Variants in KIAA1549 observed in about 807,000 individuals in gnomAD.
KIAA1549 encodes KIAA1549.
Under a neutral mutation model 156.4 loss-of-function variants are expected in KIAA1549, and 70 were observed. The ratio of observed to expected loss-of-function variants is 0.45; its 90% CI spans 0.37 to 0.55. KIAA1549 has a LOEUF of 0.55. KIAA1549 is among the 20% of genes least tolerant of loss of function. KIAA1549 has a pLI of 0.00. For missense variants in KIAA1549, 2,428 were observed against 2,540.9 expected (o/e 0.96, Z 0.96); for synonymous variants, 1,103 against 1,066.4 (o/e 1.03, Z -0.67).
At chr7:138,863,177 C>G (rs1379609052) in intron 15 of KIAA1549, among the ~76,000 whole-genome samples, 2 of 151,734 alleles carry the variant, frequency 1.3e-5, no homozygotes, top group Non-Finnish European at 2.9e-5. Flanking sequence ...CTGCAGCAGA[C>G]ACAGTGAAGA....
rs914139897 is a variant in KIAA1549, at chr7:138,837,430, G to C, written c.*476C>G. ...GTTGTTAATGTTACTATTAAAATAAGTTCCTATGGAGTAAAAGAGAAAAAT... is the reference window on the plus strand; with the variant it reads ...GTTGTTAATGTTACTATTAAAATAACTTCCTATGGAGTAAAAGAGAAAAAT... On this transcript the variant is annotated 3_prime_UTR_variant, in exon 20 of 20. Transcript: ENST00000422774. 1.3e-4 allele frequency: 32 copies of C among 240,296 alleles called. No homozygotes were observed. The highest frequency in any genetic ancestry group is 5.5e-4 in the African/African-American group (25 of 45,576). 14.9% of individuals were successfully genotyped at this position (240,296 alleles called of 1,614,324 possible).
At chr7:138,911,615 T>C (rs1812172112) in intron 3 of KIAA1549, among the ~76,000 whole-genome samples, 1 of 152,232 alleles carries the variant, frequency 6.6e-6, no homozygotes, top group Non-Finnish European at 1.5e-5. Context: ...AGAGTACTTA[T>C]CCTATTGAGC....
intron 1 of KIAA1549, among the ~76,000 whole-genome samples, chr7:138,974,132 T>C (rs1310380399): frequency 3.3e-5 from 5 of 152,078 alleles, no homozygotes; most frequent in Non-Finnish European, 7.4e-5. Flanking sequence ...GGTCAACAGG[T>C]AAAGAAAAAT....
At chr7:138,853,667 C>T (rs567933343) in intron 16 of KIAA1549, among the ~76,000 whole-genome samples, 8 of 152,178 alleles carry the variant, frequency 5.3e-5, no homozygotes, top group Non-Finnish European at 8.8e-5. Flanking sequence ...CTTCCATCCC[C>T]TTGGCTGTCA....
chr7:138,875,881 G>A (rs958969883), intron 12 of KIAA1549, among the ~76,000 whole-genome samples: 3 of 150,898 alleles, frequency 2.0e-5, no homozygotes, highest in East Asian at 2.0e-4. Flanking sequence ...CTGCAGCCTC[G>A]ACCTCCCAGG....
rs547681622 is a variant in KIAA1549 at position 138,917,031 on chromosome 7, G to A, written c.2595C>T (p.Val865=). 150 of 1,606,392 alleles carry A rather than the reference G, an allele frequency of 9.3e-5. No individual in the cohort carries two copies. The highest frequency in any genetic ancestry group is 1.1e-4 in the Non-Finnish European group (125 of 1,176,474). Residue 865 remains valine, a synonymous_variant, in exon 2 of 20, where the codon GTC becomes GTT. Transcript: ENST00000422774. ...CTGTGGGTGTGAGTGATGGGCCCACGACGGTCAGCTCTGTGGGCAGAGGGA... is the reference window on the plus strand; with the variant it reads ...CTGTGGGTGTGAGTGATGGGCCCACAACGGTCAGCTCTGTGGGCAGAGGGA... The part of the protein sequence containing the change: ...TPFPLPTELT[V]VGPSLTPTEV...
chr7:138,909,003 G>T lies in KIAA1549; in HGVS notation c.3264C>A (p.Asn1088Lys). Residue 1088 changes from asparagine (N) to lysine (K), a missense_variant, in exon 5 of 20, where the codon AAC becomes AAA. Physicochemically the swap from Asn to Lys is moderately conservative, Grantham distance 94. Coordinates refer to ENST00000422774, the MANE Select transcript of KIAA1549 (RefSeq NM_001164665.2). ...EVRKHHQGTYNLTVQILNITI... is the reference protein window; with the variant it reads ...EVRKHHQGTYKLTVQILNITI... ...GTGATATTCTCACCTGCACCGTGAG[G>T]TTATACGTTCCCTGGTGGTGTTTTC... The T allele has an allele frequency of 1.2e-6, 2 of 1,614,024 alleles. No individual in the cohort carries two copies. The highest frequency in any genetic ancestry group is 1.7e-6 in the Non-Finnish European group (2 of 1,179,884).
chr7:138,946,728 G>C (rs971440013), intron 1 of KIAA1549, among the ~76,000 whole-genome samples: 3 of 152,156 alleles, frequency 2.0e-5, no homozygotes, highest in Non-Finnish European at 1.5e-5. Flanking sequence ...GCAGTGAGCC[G>C]AGATCACGCC....
At chr7:138,959,796 T>TC (rs1813783637) in intron 1 of KIAA1549, among the ~76,000 whole-genome samples, 1 of 152,204 alleles carries the variant, frequency 6.6e-6, no homozygotes, top group Non-Finnish European at 1.5e-5. Flanking sequence ...AAACCTAACT[T>TC]CATTTGTGAG....
intron 1 of KIAA1549, among the ~76,000 whole-genome samples, chr7:138,956,843 T>C (rs1384811848): frequency 6.6e-6 from 1 of 152,216 alleles, no homozygotes; most frequent in Non-Finnish European, 1.5e-5. Flanking sequence ...CATTCCTTCC[T>C]ACACACCCAC....
At chr7:138,930,760 A>G (rs957822678) in intron 1 of KIAA1549, among the ~76,000 whole-genome samples, 14 of 152,236 alleles carry the variant, frequency 9.2e-5, no homozygotes, top group Admixed American at 3.3e-4. Context: ...TATCAGCAAC[A>G]AGGCTGTTTT....
intron 12 of KIAA1549, among the ~76,000 whole-genome samples, chr7:138,874,066 T>A (rs1811012365): frequency 6.7e-6 from 1 of 148,164 alleles, no homozygotes; most frequent in Non-Finnish European, 1.5e-5. Flanking sequence ...AATTATATAT[T>A]ACATACTTCT....
At chr7:138,954,076 T>A (rs1416905502) in intron 1 of KIAA1549, among the ~76,000 whole-genome samples, 2 of 152,170 alleles carry the variant, frequency 1.3e-5, no homozygotes, top group African/African-American at 2.4e-5. Context: ...GTAAGCTATT[T>A]AAGGAGAAAG....
At chr7:138,976,036 C>T (rs1814367671) in intron 1 of KIAA1549, among the ~76,000 whole-genome samples, 1 of 152,184 alleles carries the variant, frequency 6.6e-6, no homozygotes. Flanking sequence ...CAAGCAAAAA[C>T]ATGTAACAAA....
chr7:138,839,233 G>C (rs916676227), intron 19 of KIAA1549, among the ~76,000 whole-genome samples: 1 of 152,098 alleles, frequency 6.6e-6, no homozygotes, highest in Non-Finnish European at 1.5e-5. Context: ...GGAAGGCACA[G>C]AAATGCAACA....
chr7:138,966,782 A>G (rs926617678), intron 1 of KIAA1549, among the ~76,000 whole-genome samples: 1 of 152,018 alleles, frequency 6.6e-6, no homozygotes, highest in African/African-American at 2.4e-5. Flanking sequence ...TCGAGTTGAC[A>G]CTCAATATTA....
intron 12 of KIAA1549, 27 bp downstream of exon 12, chr7:138,879,511 A>T (rs1230578560): frequency 2.1e-6 from 3 of 1,426,724 alleles, no homozygotes; most frequent in Non-Finnish European, 2.9e-6. Context: ...ACTACTTTTA[A>T]TGGGAAGAAC....
intron 12 of KIAA1549, among the ~76,000 whole-genome samples, chr7:138,872,279 C>T (rs1461177078): frequency 1.4e-5 from 2 of 147,482 alleles, no homozygotes; most frequent in Non-Finnish European, 3.0e-5. Flanking sequence ...TTGAAGAGTA[C>T]ATGTATAAAT....
rs572323068 is a variant in KIAA1549, at chr7:138,922,693, G to T, written c.188-3255C>A. 4.6e-5 allele frequency among the ~76,000 whole-genome samples: 7 copies of T among 151,996 alleles called. No homozygotes were observed. In the South Asian group the frequency reaches 1.5e-3, roughly 32 times the overall value. ...AGACAGAGCTGAAACAAGATTTAGT[G>T]AACTGGGGGATAGGTCTGAAGAAAT... On this transcript the variant is annotated intron_variant, in intron 1 of 19. Transcript: ENST00000422774.
Sources: gnomAD v4.1 joint callset for allele counts (sites outside exome capture counted in the v4.1 genomes callset) on GRCh38, gnomAD v4.1.1 for gene constraint, MANE v1.5 for transcripts, NCBI Gene and HGNC (gene_info 2026-07-23, HGNC 2026-07-21) for gene names.